Variants in ZFC3H1 observed in about 807,000 individuals in gnomAD.
ZFC3H1 encodes the protein zinc finger C3H1-type containing.
ZFC3H1 carries 71 observed loss-of-function variants against 243.7 expected under a neutral mutation model. That is an observed-to-expected ratio of 0.29 (90% CI 0.24 to 0.36). The LOEUF (loss-of-function observed/expected upper bound fraction) is 0.36, where lower values mean the gene tolerates loss of function less well. Ranked by LOEUF, ZFC3H1 falls within the 10% of genes least tolerant of loss-of-function variation. ZFC3H1 has a pLI of 1.00. For synonymous variants in ZFC3H1, 838 were observed against 813.0 expected (o/e 1.03, Z -0.52); for missense variants, 1,966 against 2,317.1 (o/e 0.85, Z 3.11).
intron 32 of ZFC3H1, 135 bp from the exon 33 acceptor site, chr12:71,611,232 C>T: frequency 1.2e-6 from 1 of 864,400 alleles, no homozygotes. Context: ...TGAAAGTTAA[C>T]AGGCTAAACT....
chr12:71,637,671 A>G (rs1880497905), intron 7 of ZFC3H1, among the ~76,000 whole-genome samples: 1 of 152,168 alleles, frequency 6.6e-6, no homozygotes, highest in Non-Finnish European at 1.5e-5. Flanking sequence ...TTCATTCCCA[A>G]AAAGAAAACA....
chr12:71,629,566 C>T (rs1452643493), intron 19 of ZFC3H1, 43 bp downstream of exon 19: 1 of 1,102,668 alleles, frequency 9.1e-7, no homozygotes. Context: ...TACACACACA[C>T]ACACACACAC....
rs1399428498 is a variant in ZFC3H1, at chr12:71,632,093, G to C, written c.3239C>G (p.Pro1080Arg). ...AATTTTTAACCCTAGAAAAAGTTCTGGTTTTTCTACAGTATTTTTATTAAG... is the reference window on the plus strand; with the variant it reads ...AATTTTTAACCCTAGAAAAAGTTCTCGTTTTTCTACAGTATTTTTATTAAG... ...NKLNKNTVEK[P>R]ELFLGLKIGE... The change falls in exon 15 of 35, where the codon CCA becomes CGA. Residue 1080 changes from proline to arginine, a missense_variant. By Grantham distance (103) the Pro-to-Arg change is moderately radical (BLOSUM62 -2). This residue lies in a region of ZFC3H1 where 1,383 missense variants were observed against 1,723.7 expected (regional missense o/e 0.80). Coordinates refer to ENST00000378743, the MANE Select transcript of ZFC3H1 (RefSeq NM_144982.5). 2.5e-6 allele frequency: 4 copies of C among 1,611,162 alleles called. No homozygotes were observed. The highest frequency in any genetic ancestry group is 3.4e-6 in the Non-Finnish European group (4 of 1,179,202).
Position 71,657,250 on chromosome 12 carries a change from T to C in ZFC3H1, c.650A>G (p.Asn217Ser), listed in dbSNP as rs940642667. 1 of 1,589,386 alleles carries C rather than the reference T, an allele frequency of 6.3e-7. No homozygotes were observed. Among genetic ancestry groups the C allele is most frequent in the South Asian group, 1.2e-5 (1 of 86,200 alleles). ...PSRKQNYSSKNENCVEETFED... is the reference protein window; with the variant it reads ...PSRKQNYSSKSENCVEETFED... ...AAAAGTTTCTTCCACACAGTTTTCA[T>C]TTTTTGATGAATAATTTTGTTTTCT... Residue 217 changes from asparagine (N) to serine (S), a missense_variant, in exon 2 of 35, where the codon AAT (asparagine) becomes AGT (serine). Coordinates refer to ENST00000378743, the MANE Select transcript of ZFC3H1 (RefSeq NM_144982.5).
chr12:71,660,636 C>T (rs992762068), intron 1 of ZFC3H1, among the ~76,000 whole-genome samples: 3 of 151,738 alleles, frequency 2.0e-5, no homozygotes, highest in Non-Finnish European at 4.4e-5. Flanking sequence ...AGAAAGAGGA[C>T]AAAAGCAGAA....
chr12:71,627,917 G>C lies in ZFC3H1; in HGVS notation c.3964C>G (p.Gln1322Glu), dbSNP rs753067053. ...GTATCCAGAGCTGGAACATTTATTT[G>C]GTTCTCTGGCTGGAAAGCTATTTAA... ...PIKYAFQPEN[Q>E]INVPALDTVV... Residue 1322 changes from glutamine (Q) to glutamate (E), a missense_variant, in exon 21 of 35, where the codon CAA becomes GAA. By Grantham distance (29) the Gln-to-Glu change is conservative. Coordinates refer to ENST00000378743, the MANE Select transcript of ZFC3H1 (RefSeq NM_144982.5). 68 of 1,611,600 alleles carry C rather than the reference G, an allele frequency of 4.2e-5. No homozygotes were observed. Among genetic ancestry groups the C allele is most frequent in the Non-Finnish European group, 5.3e-5 (63 of 1,179,308 alleles).
At chr12:71,637,258 T>A (rs74101630) in intron 7 of ZFC3H1, among the ~76,000 whole-genome samples, 199 bp from the exon 8 acceptor site, 4,710 of 152,068 alleles carry the variant, frequency 0.031, 263 homozygotes, top group African/African-American at 0.11. Flanking sequence ...TTTACAATTT[T>A]AAAAAAAATC....
chr12:71,634,098 A>G (rs553870321), intron 12 of ZFC3H1, 57 bp downstream of exon 12: 1 of 1,537,272 alleles, frequency 6.5e-7, no homozygotes, highest in South Asian at 1.2e-5. Context: ...CATACACCAC[A>G]AAAATGTATT....
chr12:71,637,184 G>A (rs1249627138), intron 7 of ZFC3H1, 125 bp from the exon 8 acceptor site: 22 of 837,344 alleles, frequency 2.6e-5, no homozygotes, highest in Admixed American at 3.1e-5. Flanking sequence ...AATATAGTAA[G>A]CTAAGTATAT....
Position 71,662,996 on chromosome 12 carries a change from CGCCACGTTAAGG to C in ZFC3H1, c.598+5_598+16del, listed in dbSNP as rs1565834776. 6.4e-7 allele frequency: 1 copy of C among 1,572,762 alleles called. No individual in the cohort carries two copies. Among genetic ancestry groups the C allele is most frequent in the Non-Finnish European group, 8.6e-7 (1 of 1,160,248 alleles). ...CTTTAGTGACACACCCAGCGCCGACCGCCACGTTAAGGATACAGCTCTTCCGAGGTGGAGAGG... is the reference window on the plus strand; with the variant it reads ...CTTTAGTGACACACCCAGCGCCGACCATACAGCTCTTCCGAGGTGGAGAGG... On this transcript the variant is annotated splice_donor_5th_base_variant and intron_variant, in intron 1 of 34. Transcript: ENST00000378743.
intron 2 of ZFC3H1, among the ~76,000 whole-genome samples, chr12:71,648,552 C>T (rs1229657414): frequency 1.3e-5 from 2 of 152,136 alleles, no homozygotes; most frequent in Non-Finnish European, 2.9e-5. Context: ...AGGATTTAAA[C>T]TAGATCTTAA....
In ZFC3H1 at chr12:71,614,710, G is replaced by GAA; in HGVS notation, c.5361-12_5361-11dup. ...TGCAAAGACAAGATAACTGCCAAAA[G>GAA]AAAAATATTATAATTTAGAATAACT... On this transcript the variant is annotated splice_polypyrimidine_tract_variant and intron_variant, in intron 29 of 34. Transcript: ENST00000378743. 5 of 1,598,418 alleles carry GAA rather than the reference G, an allele frequency of 3.1e-6. No homozygotes were observed. Among genetic ancestry groups the GAA allele is most frequent in the Non-Finnish European group, 4.3e-6 (5 of 1,175,036 alleles).
intron 6 of ZFC3H1, chr12:71,639,326 T>C (rs1880542905): frequency 6.0e-6 from 1 of 166,658 alleles, no homozygotes; most frequent in Non-Finnish European, 1.3e-5. Flanking sequence ...CCAAATGAGA[T>C]AATCTGAATA....
At chr12:71,655,629 T>C (rs1311042299) in intron 2 of ZFC3H1, among the ~76,000 whole-genome samples, 2 of 152,022 alleles carry the variant, frequency 1.3e-5, no homozygotes, top group Admixed American at 6.6e-5. Flanking sequence ...TTAACAGAAA[T>C]AGAAAACACG....
Position 71,631,979 on chromosome 12 carries a change from T to C in ZFC3H1, c.3353A>G (p.His1118Arg). ...TTTGITEKVL[H>R]GQEISVDVDF... Reference sequence around the variant, plus strand: ...TATGAAATGTTCAGTTACCTGACCATGCAAAACCTTCTCTGTAATGCCTGT... The same window carrying C: ...TATGAAATGTTCAGTTACCTGACCACGCAAAACCTTCTCTGTAATGCCTGT... Residue 1118 changes from histidine to arginine, a missense_variant, in exon 15 of 35, where the codon CAT becomes CGT. Coordinates refer to ENST00000378743, the MANE Select transcript of ZFC3H1 (RefSeq NM_144982.5). 3 of 1,599,816 alleles carry C rather than the reference T, an allele frequency of 1.9e-6. No individual in the cohort carries two copies. The highest frequency in any genetic ancestry group is 1.7e-4 in the Middle Eastern group (1 of 5,960).
At chr12:71,650,325 T>G (rs1434595245) in intron 2 of ZFC3H1, among the ~76,000 whole-genome samples, 1 of 152,104 alleles carries the variant, frequency 6.6e-6, no homozygotes, top group Non-Finnish European at 1.5e-5. Context: ...TTTCAGACAA[T>G]AAATATAACT....
At chr12:71,661,044 C>T (rs559992734) in intron 1 of ZFC3H1, among the ~76,000 whole-genome samples, 1 of 151,972 alleles carries the variant, frequency 6.6e-6, no homozygotes, top group South Asian at 2.1e-4. Flanking sequence ...TGGCTCATGC[C>T]TGTAATCCCA....
chr12:71,635,434 T>C lies in ZFC3H1; in HGVS notation c.2238+9A>G, dbSNP rs1396886337. On this transcript the variant is annotated intron_variant, in intron 10 of 34. Transcript: ENST00000378743. ...CATCTTTCTTTCCACCTTTAATTAT[T>C]GCACTTACCTCAGCAGTTCGTCTTG... 9 of 1,561,430 alleles carry C rather than the reference T, an allele frequency of 5.8e-6. No individual in the cohort carries two copies. Among genetic ancestry groups the C allele is most frequent in the Non-Finnish European group, 7.7e-6 (9 of 1,162,998 alleles).
At chr12:71,642,321 T>C in intron 6 of ZFC3H1, 115 bp downstream of exon 6, 1 of 1,193,032 alleles carries the variant, frequency 8.4e-7, no homozygotes, top group South Asian at 1.9e-5. Flanking sequence ...CGCCATACAG[T>C]TCATCAGCAA....
Sources: allele counts gnomAD v4.1 joint callset (sites outside exome capture counted in the v4.1 genomes callset), GRCh38; gene constraint gnomAD v4.1.1; regional missense constraint gnomAD v4.1.1; transcripts MANE v1.5; gene names NCBI Gene and HGNC (gene_info 2026-07-23, HGNC 2026-07-21).